FN3K: variants seen among roughly 807,000 people sequenced by gnomAD.
FN3K encodes the protein fructosamine-3-kinase.
FN3K carries 24 observed loss-of-function variants against 24.8 expected under a neutral mutation model. That is an observed-to-expected ratio of 0.97 (90% CI 0.70 to 1.36). FN3K has a LOEUF of 1.36. Ranked by LOEUF, FN3K falls within the 40% of genes most tolerant of loss-of-function variation. The pLI is 0.00. For missense variants in FN3K, 449 were observed against 416.7 expected (o/e 1.08, Z -0.67); for synonymous variants, 192 against 175.2 (o/e 1.10, Z -0.76).
At chr17:82,747,922 A>G (rs1318429251) in intron 4 of FN3K, among the ~76,000 whole-genome samples, 1 of 152,160 alleles carries the variant, frequency 6.6e-6, no homozygotes, top group Non-Finnish European at 1.5e-5. Flanking sequence ...TAGGGCTTCA[A>G]CGTAGGAACG....
intron 4 of FN3K, among the ~76,000 whole-genome samples, chr17:82,747,424 C>T (rs768038437): frequency 3.9e-5 from 6 of 152,106 alleles, no homozygotes; most frequent in East Asian, 1.9e-4. Flanking sequence ...TTTTCTGAGA[C>T]GGAGTCTTGC....
Position 82,749,203 on chromosome 17 carries a change from C to A in FN3K, c.591+226C>A, listed in dbSNP as rs2046986612. 4 of 629,072 alleles carry A rather than the reference C, an allele frequency of 6.4e-6. No individual in the cohort carries two copies. In the African/African-American group the frequency reaches 7.2e-5, roughly 11 times the overall value. 39.0% of individuals were successfully genotyped at this position (629,072 alleles called of 1,614,324 possible). On this transcript the variant is annotated intron_variant, in intron 5 of 5. Coordinates refer to ENST00000300784, the MANE Select transcript of FN3K (RefSeq NM_022158.4). The stretch of plus-strand genomic sequence containing the variant: ...CTCGTGCCCCTCTCCACTGCTAGGT[C>A]ACCAGGTATTTAGCCTCAGACTTTC...
chr17:82,746,077 G>A (rs1468182445), intron 4 of FN3K, among the ~76,000 whole-genome samples: 1 of 129,600 alleles, frequency 7.7e-6, no homozygotes, highest in African/African-American at 2.9e-5. Context: ...CTGGGCGACA[G>A]AGCAAGACTC....
At position 82,750,770 on chromosome 17, in the gene FN3K, C is replaced by T. The variant is rs1313784582; in HGVS notation, c.*15C>T. ...TGCTCAAGTAGCGGCCCCTGCCCTC[C>T]CTTCCCCTGTCCCCGTCCCCGTCTC... On this transcript the variant is annotated 3_prime_UTR_variant, in exon 6 of 6. Transcript: ENST00000300784. The T allele has an allele frequency of 5.0e-6, 8 of 1,602,706 alleles. No homozygotes were observed. The highest frequency in any genetic ancestry group is 6.8e-6 in the Non-Finnish European group (8 of 1,174,918).
At chr17:82,743,691 AC>A (rs1405499676) in intron 4 of FN3K, among the ~76,000 whole-genome samples, 2 of 152,348 alleles carry the variant, frequency 1.3e-5, no homozygotes, top group East Asian at 3.9e-4. Context: ...CTAGCAGGTA[AC>A]CAGGCAGATA....
rs2046936760 is a variant in FN3K at position 82,740,761 on chromosome 17, A to G, written c.294-2A>G. The G allele has an allele frequency of 1.9e-6, 3 of 1,609,444 alleles. No individual in the cohort carries two copies. Among genetic ancestry groups the G allele is most frequent in the Non-Finnish European group, 2.6e-6 (3 of 1,175,984 alleles). On this transcript the variant is annotated splice_acceptor_variant, in intron 2 of 5. Coordinates refer to ENST00000300784, the MANE Select transcript of FN3K (RefSeq NM_022158.4). LOFTEE classifies it high-confidence loss of function. ...AATTAGCTGCATTTCTTCTTTCCTC[A>G]GTCAAGCATCAAAACTTGGAGAGCA...
chr17:82,749,094 A>G lies in FN3K; in HGVS notation c.591+117A>G, dbSNP rs762973995. On this transcript the variant is annotated intron_variant, in intron 5 of 5. Coordinates refer to ENST00000300784, the MANE Select transcript of FN3K (RefSeq NM_022158.4). ...CAGGGAACACTGAGTCCTGGAGCAC[A>G]CATCAGGGAGGAAGGGGGGCAGGGG... 2.7e-6 allele frequency: 4 copies of G among 1,487,150 alleles called. No individual in the cohort carries two copies. The South Asian group carries it at 4.7e-5, about 18-fold the overall frequency. The allele number at this position is 1,487,150 out of a possible 1,614,324, so 92.1% of individuals were successfully genotyped here. A position where few individuals can be genotyped will look rare whatever the true frequency, so the allele number is the denominator to read the frequency against.
At position 82,735,787 on chromosome 17, in the gene FN3K, C is replaced by T. The variant is rs1319797440; in HGVS notation, c.141+10C>T. 3.9e-6 allele frequency: 6 copies of T among 1,551,550 alleles called. No individual in the cohort carries two copies. The highest frequency in any genetic ancestry group is 2.7e-5 in the African/African-American group (2 of 73,636). ...CAACCGCAGGACGCAGGTGCTGGCC[C>T]GTGCGCAGGCGGGGGCTCTGCGGGT... On this transcript the variant is annotated intron_variant, in intron 1 of 5. Transcript: ENST00000300784.
chr17:82,740,771 C>CA lies in FN3K; in HGVS notation c.306dup (p.Leu103ThrfsTer31). 6.2e-7 allele frequency: 1 copy of CA among 1,612,818 alleles called. No individual in the cohort carries two copies. Among genetic ancestry groups the CA allele is most frequent in the Non-Finnish European group, 8.5e-7 (1 of 1,179,010 alleles). ...ATTTCTTCTTTCCTCAGTCAAGCAT[C>CA]AAAACTTGGAGAGCAGATGGCAGAT... On this transcript the variant is annotated frameshift_variant, in exon 3 of 6. Coordinates refer to ENST00000300784, the MANE Select transcript of FN3K (RefSeq NM_022158.4). LOFTEE classifies it high-confidence loss of function.
intron 2 of FN3K, among the ~76,000 whole-genome samples, chr17:82,738,892 G>C (rs1281675038): frequency 6.9e-6 from 1 of 143,994 alleles, no homozygotes; most frequent in Non-Finnish European, 1.5e-5. Context: ...AAGTTTGGCT[G>C]TAATGAGGCT....
At chr17:82,739,548 C>G (rs1209680866) in intron 2 of FN3K, among the ~76,000 whole-genome samples, 1 of 151,076 alleles carries the variant, frequency 6.6e-6, no homozygotes, top group African/African-American at 2.4e-5. Context: ...AACTCTGCCT[C>G]CTGGGTTGAC....
Position 82,735,851 on chromosome 17 carries a change from G to A in FN3K, c.141+74G>A, listed in dbSNP as rs958037619. 97 of 1,515,190 alleles carry A rather than the reference G, an allele frequency of 6.4e-5. 1 individual carries two copies. Among genetic ancestry groups the A allele is most frequent in the Non-Finnish European group, 8.4e-5 (95 of 1,128,732 alleles). 93.9% of individuals were successfully genotyped at this position (1,515,190 alleles called of 1,614,324 possible). ...GGGAAGGCGGAGGGGTCGGGGGCAG[G>A]CGCATTTCCTGGGGCTGGGCCTGGG... On this transcript the variant is annotated intron_variant, in intron 1 of 5. Transcript: ENST00000300784.
intron 4 of FN3K, among the ~76,000 whole-genome samples, chr17:82,744,893 C>T (rs1222617021): frequency 6.6e-6 from 1 of 152,198 alleles, no homozygotes; most frequent in Admixed American, 6.5e-5. Flanking sequence ...AGTATTGCTG[C>T]CCGCATGTCC....
At chr17:82,747,041 TCTCGAA>T (rs1555667974) in intron 4 of FN3K, among the ~76,000 whole-genome samples, 2 of 152,010 alleles carry the variant, frequency 1.3e-5, no homozygotes, top group Non-Finnish European at 2.9e-5. Flanking sequence ...GCCAGGATGG[TCTCGAA>T]CTCCTGATCT....
At chr17:82,748,721 G>C (rs1393617674) in intron 4 of FN3K, 134 bp from the exon 5 acceptor site, 1 of 1,384,006 alleles carries the variant, frequency 7.2e-7, no homozygotes, top group African/African-American at 1.4e-5. Flanking sequence ...TCTGGGTTGA[G>C]TATTTTATGT....
intron 1 of FN3K, chr17:82,738,113 G>C (rs1431220195): frequency 4.5e-6 from 1 of 223,914 alleles, no homozygotes; most frequent in African/African-American, 2.3e-5. Context: ...CTCTGCTGTG[G>C]CTGCCCCACC....
intron 4 of FN3K, chr17:82,742,795 C>T: frequency 2.2e-6 from 1 of 445,934 alleles, no homozygotes; most frequent in Non-Finnish European, 4.5e-6. Context: ...AGTTCAAAGT[C>T]ACTGCTTCTT....
At chr17:82,747,222 T>C (rs1459240410) in intron 4 of FN3K, among the ~76,000 whole-genome samples, 1 of 152,238 alleles carries the variant, frequency 6.6e-6, no homozygotes, top group African/African-American at 2.4e-5. Context: ...TGTTTAGTGC[T>C]ACACATTTTC....
intron 4 of FN3K, chr17:82,741,638 G>A (rs2046941807): frequency 4.3e-6 from 2 of 468,746 alleles, no homozygotes; most frequent in African/African-American, 4.0e-5. Flanking sequence ...AGCCTCAAGT[G>A]CAAAGGTTGT....
Sources: gnomAD v4.1 joint callset for allele counts (sites outside exome capture counted in the v4.1 genomes callset) on GRCh38, gnomAD v4.1.1 for gene constraint, MANE v1.5 for transcripts, NCBI Gene and HGNC (gene_info 2026-07-23, HGNC 2026-07-21) for gene names.